Variants in NKAIN2 observed in about 807,000 individuals in gnomAD.
The protein encoded by NKAIN2 is sodium/potassium-transporting ATPase subunit beta-1-interacting protein 2.
In NKAIN2, 14 loss-of-function variants were observed where a neutral mutation model predicts 32.6. The observed-to-expected ratio is 0.43, with a 90% CI of 0.28 to 0.67. The LOEUF is 0.67. NKAIN2 is among the 30% of genes least tolerant of loss of function. NKAIN2 has a pLI of 0.17. For synonymous variants in NKAIN2, 80 were observed against 87.2 expected, an observed-to-expected ratio of 0.92 and a Z score of 0.46; for missense variants, 198 against 258.3, an observed-to-expected ratio of 0.77 and a Z score of 1.60.
intron 1 of NKAIN2, among the ~76,000 whole-genome samples, chr6:124,235,839 C>A (rs561996199): frequency 2.0e-5 from 3 of 151,966 alleles, no homozygotes; most frequent in African/African-American, 4.8e-5. Flanking sequence ...CCTCATGATC[C>A]GCCCATCTCA....
chr6:123,917,514 T>C (rs1024967929), intron 1 of NKAIN2, among the ~76,000 whole-genome samples: 1 of 152,212 alleles, frequency 6.6e-6, no homozygotes, highest in African/African-American at 2.4e-5. Context: ...AATTTCTCAA[T>C]ATTTGCAACT....
chr6:124,464,069 A>G (rs635317), intron 3 of NKAIN2, among the ~76,000 whole-genome samples: 119,779 of 152,012 alleles, frequency 0.79, 47,329 homozygotes, highest in East Asian at 0.86. Flanking sequence ...TGCAACCTCC[A>G]TCTCCCGGGT....
chr6:124,450,004 G>A (rs998226130), intron 3 of NKAIN2, among the ~76,000 whole-genome samples: 3 of 152,182 alleles, frequency 2.0e-5, no homozygotes, highest in East Asian at 3.9e-4. Context: ...TTCAATGGAT[G>A]CAGTCACTAA....
chr6:124,594,199 C>T (rs1444360383), intron 3 of NKAIN2, among the ~76,000 whole-genome samples: 1 of 152,162 alleles, frequency 6.6e-6, no homozygotes, highest in African/African-American at 2.4e-5. Flanking sequence ...ACTGAAGGGT[C>T]TTAAGTACAG....
At position 124,428,539 on chromosome 6, in the gene NKAIN2, A is replaced by C. The variant is rs1403901437; in HGVS notation, c.273+73192A>C. On this transcript the variant is annotated intron_variant, in intron 3 of 6. Transcript: ENST00000368417. ...AATAAGTTAGAAGTTGATGATTCTC[A>C]TTTGTCAGTGAGGGCAGCCTAAGTA... 2.0e-5 allele frequency among the ~76,000 whole-genome samples: 3 copies of C among 152,166 alleles called. No homozygotes were observed. The South Asian group carries it at 6.2e-4, about 31-fold the overall frequency.
intron 1 of NKAIN2, among the ~76,000 whole-genome samples, chr6:124,271,195 G>A (rs1426979160): frequency 6.6e-6 from 1 of 152,082 alleles, no homozygotes; most frequent in Non-Finnish European, 1.5e-5. Context: ...CTGGCCATGT[G>A]GAATTGTGAG....
At chr6:124,326,877 C>T (rs1797439714) in intron 2 of NKAIN2, among the ~76,000 whole-genome samples, 1 of 152,144 alleles carries the variant, frequency 6.6e-6, no homozygotes, top group African/African-American at 2.4e-5. Context: ...CCCCATTCTT[C>T]CCTCTCCCAG....
At chr6:124,810,774 G>A (rs370906404) in intron 5 of NKAIN2, among the ~76,000 whole-genome samples, 1 of 151,990 alleles carries the variant, frequency 6.6e-6, no homozygotes, top group Non-Finnish European at 1.5e-5. Flanking sequence ...AAGCATCTGC[G>A]GTGATTTAGC....
chr6:123,914,750 G>A (rs979407872), intron 1 of NKAIN2, among the ~76,000 whole-genome samples: 1 of 152,146 alleles, frequency 6.6e-6, no homozygotes, highest in Non-Finnish European at 1.5e-5. Flanking sequence ...AAGGCAAAAA[G>A]AGTAGAGATA....
chr6:124,600,778 TA>T (rs1246063967), intron 3 of NKAIN2, among the ~76,000 whole-genome samples: 2 of 152,122 alleles, frequency 1.3e-5, no homozygotes, highest in Non-Finnish European at 1.5e-5. Context: ...TTTTTATGGT[TA>T]AAAATTGCCT....
intron 3 of NKAIN2, among the ~76,000 whole-genome samples, chr6:124,355,960 C>T (rs1311286003): frequency 6.6e-6 from 1 of 152,132 alleles, no homozygotes; most frequent in Non-Finnish European, 1.5e-5. Flanking sequence ...AGATCTCGAA[C>T]ACCATCATCC....
At chr6:124,343,744 A>T (rs1469646338) in intron 2 of NKAIN2, among the ~76,000 whole-genome samples, 4 of 150,088 alleles carry the variant, frequency 2.7e-5, no homozygotes, top group South Asian at 2.2e-4. Flanking sequence ...CTTTGTCAGA[A>T]GAGTAGTTTG....
intron 4 of NKAIN2, among the ~76,000 whole-genome samples, chr6:124,668,315 T>A (rs1295858883): frequency 6.6e-6 from 1 of 152,074 alleles, no homozygotes; most frequent in Non-Finnish European, 1.5e-5. Context: ...ATATTTTGAG[T>A]TTCTTTATCT....
chr6:124,219,156 T>G (rs1791656078), intron 1 of NKAIN2, among the ~76,000 whole-genome samples: 1 of 152,194 alleles, frequency 6.6e-6, no homozygotes, highest in South Asian at 2.1e-4. Flanking sequence ...CCAAACCATA[T>G]CAAGTATGAA....
chr6:124,752,856 A>G (rs1476017680), intron 4 of NKAIN2, among the ~76,000 whole-genome samples: 2 of 152,126 alleles, frequency 1.3e-5, no homozygotes, highest in Non-Finnish European at 2.9e-5. Context: ...TTGTGAAATG[A>G]ATCTGACATA....
intron 1 of NKAIN2, among the ~76,000 whole-genome samples, chr6:124,190,656 G>A: frequency 6.6e-6 from 1 of 152,092 alleles, no homozygotes; most frequent in East Asian, 1.9e-4. Flanking sequence ...TTTTTAATAA[G>A]CATATACGGT....
chr6:124,555,608 T>TA lies in NKAIN2; in HGVS notation c.274-102577dup, dbSNP rs1780445529. Among the ~76,000 whole-genome samples the TA allele has an allele frequency of 5.3e-5, 8 of 152,344 alleles. No individual in the cohort carries two copies. The South Asian group carries it at 1.7e-3, about 32-fold the overall frequency. ...AATCCTGTTTTGTATACCCAACTCT[T>TA]ATTACCCTTTCTTTGTTTCTCATTG... On this transcript the variant is annotated intron_variant, in intron 3 of 6. Coordinates refer to ENST00000368417, the MANE Select transcript of NKAIN2 (RefSeq NM_001040214.3).
rs568720409 is a variant in NKAIN2 at position 124,822,255 on chromosome 6, TGA to T, written c.618-961_618-960del. On this transcript the variant is annotated intron_variant, in intron 6 of 6. Coordinates refer to ENST00000368417, the MANE Select transcript of NKAIN2 (RefSeq NM_001040214.3). ...CACACCTATAAACCTCATCCCCTAC[TGA>T]GAGGCAGAGAACTTAGCATCTCCTA... Among the ~76,000 whole-genome samples the T allele has an allele frequency of 2.9e-3, 436 of 152,288 alleles. 3 individuals carry two copies. Among genetic ancestry groups the T allele is most frequent in the African/African-American group, 9.7e-3 (405 of 41,548 alleles).
rs1794011442 is a variant in NKAIN2, at chr6:124,257,643, A to G, written c.55-25362A>G. On this transcript the variant is annotated intron_variant, in intron 1 of 6. Transcript: ENST00000368417. ...TCTAATTTCCAGGATATAAGAGGAA[A>G]TAACAGTCCAAAATAGAGATGGGTT... Among the ~76,000 whole-genome samples the G allele has an allele frequency of 3.9e-5, 6 of 152,220 alleles. No individual in the cohort carries two copies. The South Asian group carries it at 1.2e-3, about 32-fold the overall frequency.
Sources: gnomAD v4.1 joint callset for allele counts (sites outside exome capture counted in the v4.1 genomes callset) on GRCh38, gnomAD v4.1.1 for gene constraint, MANE v1.5 for transcripts, NCBI Gene and HGNC (gene_info 2026-07-23, HGNC 2026-07-21) for gene names.